The following TMEM154 variants were observed in gnomAD, a reference collection of about 807,000 sequenced individuals.
TMEM154 encodes transmembrane protein 154.
In TMEM154, 27 loss-of-function variants were observed where a neutral mutation model predicts 24.5. The ratio of observed to expected loss-of-function variants is 1.10; its 90% CI spans 0.81 to 1.52. The LOEUF (loss-of-function observed/expected upper bound fraction) is 1.52, where lower values mean the gene tolerates loss of function less well. Ranked by LOEUF, TMEM154 falls within the 40% of genes most tolerant of loss-of-function variation. The probability of loss-of-function intolerance (pLI) is 0.00; values close to 1 mark genes in which losing one functional copy is unlikely to be tolerated. For synonymous variants in TMEM154, 67 were observed against 76.8 expected (o/e 0.87, Z 0.67); for missense variants, 228 against 213.4 (o/e 1.07, Z -0.43).
At chr4:152,663,848 G>A (rs987126247) in intron 1 of TMEM154, among the ~76,000 whole-genome samples, 13 of 152,180 alleles carry the variant, frequency 8.5e-5, no homozygotes, top group African/African-American at 2.7e-4. Flanking sequence ...CAATATTCAC[G>A]CAGACACATC....
intron 1 of TMEM154, among the ~76,000 whole-genome samples, chr4:152,659,920 T>G (rs1412371351): frequency 6.6e-6 from 1 of 152,192 alleles, no homozygotes. Context: ...AATAAAAGTA[T>G]GTGCATGTGA....
chr4:152,651,398 T>C (rs576622378), intron 3 of TMEM154, among the ~76,000 whole-genome samples: 20 of 152,342 alleles, frequency 1.3e-4, no homozygotes, highest in African/African-American at 3.6e-4. Flanking sequence ...TCATCAACGA[T>C]TTGAACTAGG....
intron 1 of TMEM154, among the ~76,000 whole-genome samples, chr4:152,668,146 T>C (rs1220681639): frequency 6.6e-6 from 1 of 152,238 alleles, no homozygotes; most frequent in Non-Finnish European, 1.5e-5. Flanking sequence ...TGACTACCTT[T>C]TTATACACTG....
intron 1 of TMEM154, among the ~76,000 whole-genome samples, chr4:152,657,010 G>C (rs1728505442): frequency 6.6e-6 from 1 of 150,960 alleles, no homozygotes; most frequent in Non-Finnish European, 1.5e-5. Context: ...TTCTGGACCT[G>C]AAGAATTCAT....
In TMEM154 at chr4:152,661,289, TCTC is replaced by T. The variant is rs1728598234; in HGVS notation, c.65-8365_65-8363del. Among the ~76,000 whole-genome samples, 3 of 46,484 alleles carry T rather than the reference TCTC, an allele frequency of 6.5e-5. 1 individual carries two copies. The highest frequency in any genetic ancestry group is 1.0e-4 in the Non-Finnish European group (2 of 19,442). The allele number at this position is 46,484 out of a possible 152,430, so 30.5% of individuals were successfully genotyped here. ...GAATCAAGGGATTGTTCTCTTTCTC[TCTC>T]TCTCTCTCTCTCTCTCTCTCTCTCT... is the stretch of plus-strand genomic sequence containing the variant. On this transcript the variant is annotated intron_variant, in intron 1 of 6. Transcript: ENST00000304385.
chr4:152,640,889 C>A lies in TMEM154; in HGVS notation c.536+39G>T, dbSNP rs541679972. The A allele has an allele frequency of 1.7e-5, 23 of 1,317,954 alleles. No individual in the cohort carries two copies. The East Asian group carries it at 2.4e-4, about 14-fold the overall frequency. 81.6% of individuals were successfully genotyped at this position (1,317,954 alleles called of 1,614,324 possible). ...CCTGGTTCCCAATCCCCCCGCCCCC[C>A]GCCATATACATGTAATCTGTGGTAG... is the stretch of plus-strand genomic sequence containing the variant. On this transcript the variant is annotated intron_variant, in intron 6 of 6. Transcript: ENST00000304385.
chr4:152,667,326 CA>C (rs1262577180), intron 1 of TMEM154, among the ~76,000 whole-genome samples: 2 of 152,138 alleles, frequency 1.3e-5, no homozygotes, highest in Non-Finnish European at 2.9e-5. Flanking sequence ...GGTTTTCCTT[CA>C]AAAAGCTATC....
chr4:152,640,731 C>T (rs184776633), intron 6 of TMEM154, among the ~76,000 whole-genome samples, 197 bp downstream of exon 6: 2 of 152,232 alleles, frequency 1.3e-5, no homozygotes, highest in East Asian at 3.9e-4. Flanking sequence ...ATAAAGAGTC[C>T]TAGGATATTT....
chr4:152,623,184 A>C lies in TMEM154; in HGVS notation c.*5362T>G, dbSNP rs1441679625. The C allele has an allele frequency of 1.3e-5, 2 of 152,198 alleles. No homozygotes were observed. The highest frequency in any genetic ancestry group is 2.9e-5 in the Non-Finnish European group (2 of 68,026). 9.4% of individuals were successfully genotyped at this position (152,198 alleles called of 1,614,324 possible). The stretch of plus-strand genomic sequence containing the variant: ...TAGAATTTATATGCTGCTGGGACAA[A>C]AGCTAAGTGGCAAATATGACATCAG... On this transcript the variant is annotated 3_prime_UTR_variant, in exon 7 of 7. Coordinates refer to ENST00000304385, the MANE Select transcript of TMEM154 (RefSeq NM_152680.3).
intron 3 of TMEM154, chr4:152,646,821 C>T (rs974294459): frequency 3.1e-5 from 19 of 622,150 alleles, no homozygotes; most frequent in African/African-American, 1.5e-4. Context: ...CTTGTTTCCA[C>T]GCTGAGCAGT....
Position 152,640,788 on chromosome 4 carries a change from C to T in TMEM154, c.536+140G>A, listed in dbSNP as rs189581914. On this transcript the variant is annotated intron_variant, in intron 6 of 6. Coordinates refer to ENST00000304385, the MANE Select transcript of TMEM154 (RefSeq NM_152680.3). ...TGTAACACACTTCCTCTTCTCCACA[C>T]TATGCACATATCCAGCCGCGTAAAT... 1.9e-5 allele frequency: 13 copies of T among 688,522 alleles called. No homozygotes were observed. The East Asian group carries it at 2.6e-4, about 14-fold the overall frequency. The allele number at this position is 688,522 out of a possible 1,614,324, so 42.7% of individuals were successfully genotyped here. A position where few individuals can be genotyped will look rare whatever the true frequency, so the allele number is the denominator to read the frequency against.
chr4:152,633,573 T>C (rs1312307809), intron 6 of TMEM154, among the ~76,000 whole-genome samples: 2 of 152,202 alleles, frequency 1.3e-5, no homozygotes, highest in South Asian at 2.1e-4. Context: ...ATCAAATAAG[T>C]GATCCCTTTT....
At chr4:152,643,309 C>CT in intron 4 of TMEM154, 136 bp from the exon 5 acceptor site, 2 of 649,074 alleles carry the variant, frequency 3.1e-6, no homozygotes, top group Non-Finnish European at 5.2e-6. Context: ...AGCCTGGGGG[C>CT]TTGCCCTATT....
At chr4:152,654,233 T>C (rs1041002101) in intron 1 of TMEM154, among the ~76,000 whole-genome samples, 7 of 152,174 alleles carry the variant, frequency 4.6e-5, no homozygotes, top group African/African-American at 1.7e-4. Context: ...CTGAGGAAAA[T>C]ACCTCGTAAG....
intron 3 of TMEM154, among the ~76,000 whole-genome samples, chr4:152,652,119 A>G (rs1450802402): frequency 6.6e-6 from 1 of 151,016 alleles, no homozygotes; most frequent in Non-Finnish European, 1.5e-5. Flanking sequence ...CTGATCACAG[A>G]TCACCATAAC....
At chr4:152,663,798 A>C (rs973351043) in intron 1 of TMEM154, among the ~76,000 whole-genome samples, 12 of 152,274 alleles carry the variant, frequency 7.9e-5, no homozygotes, top group Admixed American at 1.3e-4. Flanking sequence ...CTTGATAATA[A>C]ACTGCACAGT....
At chr4:152,661,268 C>G (rs1255853319) in intron 1 of TMEM154, among the ~76,000 whole-genome samples, 2 of 128,656 alleles carry the variant, frequency 1.6e-5, no homozygotes, top group East Asian at 2.4e-4. Context: ...AAATGAGAAT[C>G]AAGGGATTGT....
chr4:152,653,061 T>C (rs1378049610), intron 1 of TMEM154, 134 bp from the exon 2 acceptor site: 3 of 831,248 alleles, frequency 3.6e-6, no homozygotes, highest in Admixed American at 3.1e-5. Flanking sequence ...CCAAGCTAAG[T>C]GTGACACAGA....
At chr4:152,639,033 C>T (rs1026260962) in intron 6 of TMEM154, among the ~76,000 whole-genome samples, 1 of 152,146 alleles carries the variant, frequency 6.6e-6, no homozygotes, top group African/African-American at 2.4e-5. Flanking sequence ...TCACTGCAAT[C>T]TCCGCCTTCC....
Sources: gnomAD v4.1 joint callset for allele counts (sites outside exome capture counted in the v4.1 genomes callset) on GRCh38, gnomAD v4.1.1 for gene constraint, MANE v1.5 for transcripts, NCBI Gene and HGNC (gene_info 2026-07-23, HGNC 2026-07-21) for gene names.